The following DNAH5 variants were observed in gnomAD, a reference collection of about 807,000 sequenced individuals.
DNAH5 encodes the protein axonemal beta dynein heavy chain 5.
In DNAH5, 372 loss-of-function variants were observed where a neutral mutation model predicts 518.2. The ratio of observed to expected loss-of-function variants is 0.72; its 90% CI spans 0.66 to 0.78. DNAH5 has a LOEUF of 0.78. Among genes scored for constraint, DNAH5 ranks in the 30% least tolerant of loss-of-function variants. The pLI, the probability that DNAH5 is intolerant of heterozygous loss-of-function variation, is 0.00. For synonymous variants in DNAH5, 2,039 were observed against 2,025.9 expected, an observed-to-expected ratio of 1.01 and a Z score of -0.17; for missense variants, 5,523 against 5,687.0, an observed-to-expected ratio of 0.97 and a Z score of 0.93.
chr5:13,978,329 G>A (rs1363441618), intron 1 of DNAH5, among the ~76,000 whole-genome samples: 1 of 152,204 alleles, frequency 6.6e-6, no homozygotes, highest in Admixed American at 6.5e-5. Flanking sequence ...TAGACTTCCA[G>A]TACGGGAGAT....
Position 13,894,802 on chromosome 5 carries a change from T to C in DNAH5, c.2279A>G (p.Gln760Arg). Residue 760 changes from glutamine (Q) to arginine (R), a missense_variant, in exon 16 of 79, where the codon CAG becomes CGG. Around this residue, in one of 3 missense-constraint regions of DNAH5, gnomAD observed 5,121 missense variants for 5,223.3 expected, o/e 0.98. Transcript: ENST00000265104. ...AGCAGGTATTTTTGACTTCACTCTC[T>C]GATATTCAGCTAGCATCATCTGCAA... ...SNMKMMLAEY[Q>R]RVKSKIPAAI... The C allele has an allele frequency of 1.2e-6, 2 of 1,613,936 alleles. No individual in the cohort carries two copies. Among genetic ancestry groups the C allele is most frequent in the Non-Finnish European group, 8.5e-7 (1 of 1,179,942 alleles).
chr5:13,976,419 CT>C (rs1782246834), intron 1 of DNAH5, among the ~76,000 whole-genome samples: 1 of 152,138 alleles, frequency 6.6e-6, no homozygotes, highest in Non-Finnish European at 1.5e-5. Context: ...TGAATCATCC[CT>C]TTGTCCAGAG....
intron 6 of DNAH5, among the ~76,000 whole-genome samples, chr5:13,919,829 G>A (rs567545093): frequency 1.4e-4 from 22 of 152,224 alleles, no homozygotes; most frequent in Admixed American, 9.2e-4. Flanking sequence ...ATTAGCCATT[G>A]AAAGTAATGG....
intron 17 of DNAH5, 144 bp from the exon 18 acceptor site, chr5:13,886,273 A>T (rs1772425281): frequency 1.2e-6 from 1 of 820,424 alleles, no homozygotes; most frequent in Non-Finnish European, 1.9e-6. Flanking sequence ...CACATCCTTC[A>T]CAATAGCACA....
Position 13,919,228 on chromosome 5 carries a change from T to G in DNAH5, c.923A>C (p.Asp308Ala). Residue 308 changes from aspartate (D) to alanine (A), a missense_variant, in exon 7 of 79, where the codon GAT (aspartate) becomes GCT (alanine). Asp to Ala is a moderately radical substitution (Grantham distance 126). Coordinates refer to ENST00000265104, the MANE Select transcript of DNAH5 (RefSeq NM_001369.3). ...NYLLEQLKSP[D>A]VKAVLAVLAA... The stretch of plus-strand genomic sequence containing the variant: ...AAGCACTGCCAGCACAGCCTTCACA[T>G]CCGGGCTTTTCAATTGTTCCAAAAG... 6.2e-7 allele frequency: 1 copy of G among 1,614,032 alleles called. No individual in the cohort carries two copies. Among genetic ancestry groups the G allele is most frequent in the Non-Finnish European group, 8.5e-7 (1 of 1,179,954 alleles).
At chr5:13,748,943 C>T (rs960317386) in intron 65 of DNAH5, among the ~76,000 whole-genome samples, 3 of 151,926 alleles carry the variant, frequency 2.0e-5, no homozygotes, top group African/African-American at 7.3e-5. Context: ...AAGACTCTTT[C>T]CAATTGAGTA....
chr5:13,833,078 T>C (rs925503276), intron 35 of DNAH5, among the ~76,000 whole-genome samples: 2 of 149,676 alleles, frequency 1.3e-5, no homozygotes, highest in African/African-American at 2.5e-5. Context: ...TCTTTGATTA[T>C]AGGGCATGTT....
chr5:13,822,034 G>A (rs1762302654), intron 40 of DNAH5, among the ~76,000 whole-genome samples: 1 of 152,004 alleles, frequency 6.6e-6, no homozygotes, highest in African/African-American at 2.4e-5. Context: ...CCCCAACGTT[G>A]GCCTATCAAA....
In DNAH5 at chr5:13,730,569, G is replaced by C. The variant is rs190146605; in HGVS notation, c.11762-1009C>G. 5.2e-3 allele frequency among the ~76,000 whole-genome samples: 792 copies of C among 152,004 alleles called. 20 individuals are homozygous for C. The highest frequency in any genetic ancestry group is 3.5e-3 in the Non-Finnish European group (236 of 67,986). ...CCTGCCTCAGCCTCCTGAGTAGCTGGGACTACAGGCACCCGCCACCACGCC... is the reference window on the plus strand; with the variant it reads ...CCTGCCTCAGCCTCCTGAGTAGCTGCGACTACAGGCACCCGCCACCACGCC... On this transcript the variant is annotated intron_variant, in intron 68 of 78. Coordinates refer to ENST00000265104, the MANE Select transcript of DNAH5 (RefSeq NM_001369.3).
intron 1 of DNAH5, among the ~76,000 whole-genome samples, chr5:13,972,416 G>A (rs1001526467): frequency 3.3e-5 from 5 of 152,120 alleles, no homozygotes; most frequent in African/African-American, 7.2e-5. Context: ...TTCTCCCTGT[G>A]GTCTTTCCCC....
Position 13,776,605 on chromosome 5 carries a change from G to A in DNAH5, c.9207C>T (p.Asn3069=). 1 of 1,613,932 alleles carries A rather than the reference G, an allele frequency of 6.2e-7. No individual in the cohort carries two copies. Among genetic ancestry groups the A allele is most frequent in the Non-Finnish European group, 8.5e-7 (1 of 1,179,868 alleles). The change falls in exon 55 of 79, where the codon AAC becomes AAT. Residue 3069 remains asparagine, a synonymous_variant. Transcript: ENST00000265104. The part of the protein sequence containing the change: ...EFPRCLPTNE[N]LHDYFMSRVR... ...CCCGACTCATGAAGTAGTCGTGCAG[G>A]TTCTCATTGGTAGGAAGGCACCTGG...
chr5:13,881,011 A>G (rs1054091190), intron 21 of DNAH5, among the ~76,000 whole-genome samples: 1 of 152,050 alleles, frequency 6.6e-6, no homozygotes, highest in African/African-American at 2.4e-5. Context: ...ATATAAATGA[A>G]AAAACAAAAT....
chr5:13,825,811 T>C (rs909032093), intron 38 of DNAH5, among the ~76,000 whole-genome samples: 1 of 152,216 alleles, frequency 6.6e-6, no homozygotes, highest in East Asian at 1.9e-4. Context: ...ATACTCAACA[T>C]TATTGAATTG....
chr5:13,720,852 G>T, intron 71 of DNAH5, 148 bp downstream of exon 71: 3 of 1,087,810 alleles, frequency 2.8e-6, no homozygotes, highest in African/African-American at 1.9e-5. Flanking sequence ...TTCAATGTTA[G>T]CTTAAATTTA....
intron 1 of DNAH5, among the ~76,000 whole-genome samples, chr5:13,942,264 T>C (rs892567107): frequency 3.9e-5 from 6 of 152,204 alleles, no homozygotes; most frequent in Non-Finnish European, 8.8e-5. Flanking sequence ...ATTATTACAT[T>C]ACAGTAGCCT....
intron 35 of DNAH5, among the ~76,000 whole-genome samples, chr5:13,832,961 G>A (rs897668098): frequency 6.6e-6 from 1 of 152,098 alleles, no homozygotes; most frequent in African/African-American, 2.4e-5. Context: ...ACCAGAAATG[G>A]TTTCAACTCC....
intron 1 of DNAH5, among the ~76,000 whole-genome samples, chr5:13,967,068 G>T (rs1375536099): frequency 6.6e-6 from 1 of 152,060 alleles, no homozygotes; most frequent in Non-Finnish European, 1.5e-5. Context: ...TGCCATGTTG[G>T]CTAGGCTGGT....
Position 13,700,616 on chromosome 5 carries a change from T to C in DNAH5, c.13723+24A>G, listed in dbSNP as rs772147945. 1.2e-5 allele frequency: 19 copies of C among 1,596,226 alleles called. No individual in the cohort carries two copies. The South Asian group carries it at 1.9e-4, about 16-fold the overall frequency. On this transcript the variant is annotated intron_variant, in intron 78 of 78. Coordinates refer to ENST00000265104, the MANE Select transcript of DNAH5 (RefSeq NM_001369.3). Reference sequence around the variant, plus strand: ...CATCCAAACGAACAATGCGAGCCCTTACTGAAGGTACAAGACAACTTACTA... The same window carrying C: ...CATCCAAACGAACAATGCGAGCCCTCACTGAAGGTACAAGACAACTTACTA...
At position 13,931,107 on chromosome 5, in the gene DNAH5, C is replaced by T; in HGVS notation, c.192+3G>A. The T allele has an allele frequency of 6.2e-7, 1 of 1,614,062 alleles. No individual in the cohort carries two copies. The highest frequency in any genetic ancestry group is 8.5e-7 in the Non-Finnish European group (1 of 1,179,952). On this transcript the variant is annotated splice_donor_region_variant and intron_variant, in intron 2 of 78. Transcript: ENST00000265104. ...AGTCAGTGAGAAGTGAAACGCATCC[C>T]ACCTGATTCCCTTCAAGAATGGCAT...
Sources: allele counts gnomAD v4.1 joint callset (sites outside exome capture counted in the v4.1 genomes callset), GRCh38; gene constraint gnomAD v4.1.1; regional missense constraint gnomAD v4.1.1; transcripts MANE v1.5; gene names NCBI Gene and HGNC (gene_info 2026-07-23, HGNC 2026-07-21).